Variants in KALRN observed in about 807,000 individuals in gnomAD.
KALRN encodes kalirin RhoGEF kinase, also known as kalirin.
Under a neutral mutation model 353.7 loss-of-function variants are expected in KALRN, and 70 were observed. The observed-to-expected ratio is 0.20, with a 90% CI of 0.16 to 0.24. KALRN has a LOEUF of 0.24. Ranked by LOEUF, KALRN falls within the 10% of genes least tolerant of loss-of-function variation. The probability of loss-of-function intolerance (pLI) is 1.00; values close to 1 mark genes in which losing one functional copy is unlikely to be tolerated. For missense variants in KALRN, 2,791 were observed against 3,756.7 expected, an observed-to-expected ratio of 0.74 and a Z score of 6.72; for synonymous variants, 1,391 against 1,434.8, an observed-to-expected ratio of 0.97 and a Z score of 0.69.
intron 1 of KALRN, among the ~76,000 whole-genome samples, chr3:124,182,546 C>T (rs577938925): frequency 2.0e-5 from 3 of 152,332 alleles, no homozygotes; most frequent in South Asian, 4.1e-4. Context: ...AAGCCACAGT[C>T]GCACATAGCC....
intron 8 of KALRN, among the ~76,000 whole-genome samples, chr3:124,332,380 C>A (rs1276415461): frequency 6.6e-6 from 1 of 152,118 alleles, no homozygotes; most frequent in East Asian, 1.9e-4. Flanking sequence ...GCACACACAC[C>A]TCATTCCCTA....
chr3:124,084,593 T>A (rs2060709620), intron 1 of KALRN, among the ~76,000 whole-genome samples: 1 of 152,232 alleles, frequency 6.6e-6, no homozygotes, highest in Non-Finnish European at 1.5e-5. Context: ...GAAGGAAGCA[T>A]GTTTAGACAA....
chr3:124,530,254 TA>T (rs748503932), intron 33 of KALRN, among the ~76,000 whole-genome samples: 1 of 152,162 alleles, frequency 6.6e-6, no homozygotes, highest in Non-Finnish European at 1.5e-5. Flanking sequence ...AGAGAAAATA[TA>T]AATACTCAGG....
intron 1 of KALRN, among the ~76,000 whole-genome samples, chr3:124,069,350 G>T (rs1362208181): frequency 7.8e-5 from 11 of 141,312 alleles, no homozygotes; most frequent in African/African-American, 2.8e-4. Context: ...GGAGGAGGAG[G>T]AGGAGGAGGA....
intron 56 of KALRN, among the ~76,000 whole-genome samples, chr3:124,700,394 G>A (rs2062265660): frequency 6.6e-6 from 1 of 152,126 alleles, no homozygotes; most frequent in Non-Finnish European, 1.5e-5. Flanking sequence ...CTCCCTGCAT[G>A]AGGGACTCAC....
In KALRN at chr3:124,102,150, A is replaced by T. The variant is rs536597810; in HGVS notation, c.73+68337A>T. Among the ~76,000 whole-genome samples the T allele has an allele frequency of 2.0e-5, 3 of 152,262 alleles. No individual in the cohort carries two copies. The East Asian group carries it at 5.8e-4, about 29-fold the overall frequency. On this transcript the variant is annotated intron_variant, in intron 1 of 59. Coordinates refer to ENST00000682506, the MANE Select transcript of KALRN (RefSeq NM_001388419.1). ...AAGAAGTTACTTTAAATTGGCTTTT[A>T]TAGTCATCTATGTATATATACCTAT...
chr3:124,673,477 TACATATA>T lies in KALRN; in HGVS notation c.6943-886_6943-880del, dbSNP rs1272402154. On this transcript the variant is annotated intron_variant, in intron 48 of 59. Transcript: ENST00000682506. Reference sequence around the variant, plus strand: ...TATATATGTATATCCTGTATGTATATACATATAGAATATATATGTATATCCTGTATGT... The same window carrying T: ...TATATATGTATATCCTGTATGTATATGAATATATATGTATATCCTGTATGT... 1.9e-3 allele frequency among the ~76,000 whole-genome samples: 281 copies of T among 149,978 alleles called. 10 individuals carry two copies. Among genetic ancestry groups the T allele is most frequent in the East Asian group, 5.4e-3 (27 of 5,022 alleles).
chr3:124,250,193 G>C (rs2070929917), intron 3 of KALRN, among the ~76,000 whole-genome samples: 1 of 152,214 alleles, frequency 6.6e-6, no homozygotes, highest in South Asian at 2.1e-4. Context: ...AGAGGAGGAG[G>C]GAAGGAGAGG....
At chr3:124,110,796 G>A (rs573882627) in intron 1 of KALRN, among the ~76,000 whole-genome samples, 1 of 152,120 alleles carries the variant, frequency 6.6e-6, no homozygotes, top group Non-Finnish European at 1.5e-5. Flanking sequence ...CCTTTATCTT[G>A]AGGGTGAAGC....
rs531439584 is a variant in KALRN at position 124,354,967 on chromosome 3, T to C, written c.1770+7702T>C. On this transcript the variant is annotated intron_variant, in intron 10 of 59. Coordinates refer to ENST00000682506, the MANE Select transcript of KALRN (RefSeq NM_001388419.1). ...GAGGACCATAGTCTGCTCCATCAAA[T>C]GGAAGATATGGAAAATGCTGTTCTG... 2.0e-5 allele frequency among the ~76,000 whole-genome samples: 3 copies of C among 152,302 alleles called. 1 individual carries two copies. The highest frequency in any genetic ancestry group is 2.1e-4 in the South Asian group (1 of 4,828).
At chr3:124,695,017 G>C (rs2061986596) in intron 53 of KALRN, among the ~76,000 whole-genome samples, 1 of 152,038 alleles carries the variant, frequency 6.6e-6, no homozygotes, top group Non-Finnish European at 1.5e-5. Context: ...CAGACCTGTA[G>C]TAAAAATGTA....
chr3:124,242,483 G>A (rs1275968816), intron 3 of KALRN, among the ~76,000 whole-genome samples: 1 of 152,212 alleles, frequency 6.6e-6, no homozygotes, highest in Non-Finnish European at 1.5e-5. Flanking sequence ...GGAAGTGGCA[G>A]TGGTGGCAGA....
intron 34 of KALRN, among the ~76,000 whole-genome samples, chr3:124,595,089 A>G (rs2076154776): frequency 6.6e-6 from 1 of 152,090 alleles, no homozygotes; most frequent in African/African-American, 2.4e-5. Context: ...CATAAATGGG[A>G]AAATTTGAAA....
intron 1 of KALRN, among the ~76,000 whole-genome samples, chr3:124,127,056 A>G (rs1413354979): frequency 2.6e-5 from 4 of 152,230 alleles, no homozygotes; most frequent in Non-Finnish European, 4.4e-5. Context: ...AGGAGCCCCA[A>G]GCTGCCAGGA....
intron 1 of KALRN, among the ~76,000 whole-genome samples, chr3:124,091,593 C>G (rs2061121146): frequency 1.3e-5 from 2 of 152,166 alleles, no homozygotes; most frequent in African/African-American, 4.8e-5. Flanking sequence ...GAAAGGAACA[C>G]ATCCATGTTG....
intron 34 of KALRN, among the ~76,000 whole-genome samples, chr3:124,581,814 C>G (rs2074659227): frequency 6.6e-6 from 1 of 152,056 alleles, no homozygotes. Context: ...TCTGGGCTTG[C>G]AAGAAAAACA....
intron 19 of KALRN, among the ~76,000 whole-genome samples, chr3:124,444,098 A>G (rs996687432): frequency 1.3e-5 from 2 of 152,310 alleles, no homozygotes; most frequent in South Asian, 2.1e-4. Context: ...AACTGTAAAC[A>G]TATGTTGTTG....
intron 10 of KALRN, among the ~76,000 whole-genome samples, chr3:124,361,188 A>G (rs1200337117): frequency 6.6e-6 from 1 of 152,200 alleles, no homozygotes; most frequent in African/African-American, 2.4e-5. Context: ...CACACACACA[A>G]GAGGAATTAA....
chr3:124,366,262 G>A (rs1335882175), intron 10 of KALRN, among the ~76,000 whole-genome samples: 1 of 147,180 alleles, frequency 6.8e-6, no homozygotes, highest in Non-Finnish European at 1.5e-5. Context: ...AGGGGGATTT[G>A]CCAGGGTCAT....
Sources: allele counts gnomAD v4.1 joint callset (sites outside exome capture counted in the v4.1 genomes callset), GRCh38; gene constraint gnomAD v4.1.1; transcripts MANE v1.5; gene names NCBI Gene and HGNC (gene_info 2026-07-23, HGNC 2026-07-21).